Variants in CISD2 observed in about 807,000 individuals in gnomAD.
CISD2 encodes CDGSH iron sulfur domain 2, also known as CDGSH iron-sulfur domain-containing protein 2.
A neutral mutation model predicts 12.9 loss-of-function variants in CISD2; 1 was observed. The ratio of observed to expected loss-of-function variants is 0.08; its 90% CI spans 0.03 to 0.37. The LOEUF (loss-of-function observed/expected upper bound fraction) is 0.37, where lower values mean the gene tolerates loss of function less well. CISD2 is among the 10% of genes least tolerant of loss of function. The pLI is 0.99. For missense variants in CISD2, 97 were observed against 163.1 expected, an observed-to-expected ratio of 0.59 and a Z score of 2.21; for synonymous variants, 50 against 60.6, an observed-to-expected ratio of 0.83 and a Z score of 0.81.
At chr4:102,880,864 C>T (rs1177159398) in intron 1 of CISD2, among the ~76,000 whole-genome samples, 1 of 151,540 alleles carries the variant, frequency 6.6e-6, no homozygotes, top group Non-Finnish European at 1.5e-5. Context: ...TGGTGGCGTG[C>T]GCCTATAATC....
intron 1 of CISD2, among the ~76,000 whole-genome samples, chr4:102,877,762 C>G (rs570739063): frequency 1.3e-5 from 2 of 152,302 alleles, no homozygotes; most frequent in African/African-American, 4.8e-5. Flanking sequence ...GTGAAGTTCC[C>G]AAACCTCAAT....
intron 1 of CISD2, among the ~76,000 whole-genome samples, chr4:102,881,706 C>T (rs1330352203): frequency 6.6e-6 from 1 of 152,146 alleles, no homozygotes; most frequent in African/African-American, 2.4e-5. Context: ...TATGTTAAGA[C>T]TTTGGTAAGT....
intron 1 of CISD2, among the ~76,000 whole-genome samples, chr4:102,883,395 C>G (rs1467227861): frequency 6.6e-6 from 1 of 152,210 alleles, no homozygotes. Context: ...TCCATGGAAA[C>G]CACAGTAAAG....
At chr4:102,875,611 T>A (rs1413793131) in intron 1 of CISD2, among the ~76,000 whole-genome samples, 1 of 152,250 alleles carries the variant, frequency 6.6e-6, no homozygotes, top group Non-Finnish European at 1.5e-5. Context: ...GTAGGAATTA[T>A]CTCAAATGCC....
rs1446866276 is a variant in CISD2 at position 102,890,093 on chromosome 4, T to G, written c.*2663T>G. ...ATAAACATCAGGTATCCAAAAGTGT[T>G]AGCAGGCTTGAGGTATGAATGATTC... On this transcript the variant is annotated 3_prime_UTR_variant, in exon 3 of 3. Coordinates refer to ENST00000273986, the MANE Select transcript of CISD2 (RefSeq NM_001008388.5). The G allele has an allele frequency of 6.6e-6, 1 of 152,210 alleles. No homozygotes were observed. The highest frequency in any genetic ancestry group is 2.4e-5 in the African/African-American group (1 of 41,448). 9.4% of individuals were successfully genotyped at this position (152,210 alleles called of 1,614,324 possible). A position where few individuals can be genotyped will look rare whatever the true frequency, so the allele number is the denominator to read the frequency against.
At chr4:102,871,053 C>T (rs1347551727) in intron 1 of CISD2, among the ~76,000 whole-genome samples, 1 of 152,116 alleles carries the variant, frequency 6.6e-6, no homozygotes, top group African/African-American at 2.4e-5. Context: ...TACCTTCTTA[C>T]TAATTTGCAT....
intron 1 of CISD2, among the ~76,000 whole-genome samples, chr4:102,879,480 C>T (rs184153403): frequency 1.2e-3 from 184 of 152,108 alleles, no homozygotes; most frequent in African/African-American, 4.3e-3. Context: ...TCAAACTGAG[C>T]GCTTCACAAA....
rs557515732 is a variant in CISD2 at position 102,869,083 on chromosome 4, G to A, written c.-2G>A. ...GGAGAGGAGTGGACGCCGCTGGCCAGGATGGTGCTGGAGAGCGTGGCCCGT... is the reference window on the plus strand; with the variant it reads ...GGAGAGGAGTGGACGCCGCTGGCCAAGATGGTGCTGGAGAGCGTGGCCCGT... On this transcript the variant is annotated 5_prime_UTR_variant, in exon 1 of 3. Coordinates refer to ENST00000273986, the MANE Select transcript of CISD2 (RefSeq NM_001008388.5). 9.9e-6 allele frequency: 16 copies of A among 1,609,306 alleles called. No homozygotes were observed. The East Asian group carries it at 2.9e-4, about 29-fold the overall frequency.
At chr4:102,876,483 C>T (rs549068459) in intron 1 of CISD2, among the ~76,000 whole-genome samples, 1 of 152,188 alleles carries the variant, frequency 6.6e-6, no homozygotes, top group Non-Finnish European at 1.5e-5. Context: ...GGTGCTGTGG[C>T]TCATGCCTGT....
chr4:102,875,747 A>C (rs1032316742), intron 1 of CISD2, among the ~76,000 whole-genome samples: 2 of 152,196 alleles, frequency 1.3e-5, no homozygotes, highest in African/African-American at 4.8e-5. Context: ...ATATTTACCT[A>C]ACTATATAGT....
rs1365842168 is a variant in CISD2 at position 102,891,540 on chromosome 4, T to C, written c.*4110T>C. 2 of 152,220 alleles carry C rather than the reference T, an allele frequency of 1.3e-5. No homozygotes were observed. The highest frequency in any genetic ancestry group is 4.8e-5 in the African/African-American group (2 of 41,454). The allele number at this position is 152,220 out of a possible 1,614,324, so 9.4% of individuals were successfully genotyped here. A position where few individuals can be genotyped will look rare whatever the true frequency, so the allele number is the denominator to read the frequency against. On this transcript the variant is annotated 3_prime_UTR_variant, in exon 3 of 3. Transcript: ENST00000273986. ...GTATGTGTTATTCAAAAAGGCAGGA[T>C]ATGTGTTGCATTTGGTGGTAACAAT...
intron 1 of CISD2, chr4:102,882,901 C>T (rs1733758470): frequency 6.6e-6 from 1 of 152,204 alleles, no homozygotes; most frequent in Admixed American, 6.5e-5. Flanking sequence ...CGCCTGCCAC[C>T]ACGCCTGGAT....
In CISD2 at chr4:102,869,237, G is replaced by C. The variant is rs368237980; in HGVS notation, c.103+50G>C. ...CCCATCCTTGCACGTTCGCCAAGCG[G>C]GGGAAGGAGGCGTAAAAATCCTAGG... is the stretch of plus-strand genomic sequence containing the variant. On this transcript the variant is annotated intron_variant, in intron 1 of 2. Transcript: ENST00000273986. The C allele has an allele frequency of 2.6e-4, 412 of 1,560,358 alleles. 2 individuals are homozygous for C. Among genetic ancestry groups the C allele is most frequent in the Middle Eastern group, 2.2e-3 (13 of 6,000 alleles).
chr4:102,876,270 C>T (rs1269812356), intron 1 of CISD2, among the ~76,000 whole-genome samples: 1 of 152,118 alleles, frequency 6.6e-6, no homozygotes, highest in Non-Finnish European at 1.5e-5. Context: ...AACCTGGTTC[C>T]AAGTATATGA....
intron 1 of CISD2, among the ~76,000 whole-genome samples, chr4:102,876,175 C>T (rs1219087969): frequency 6.6e-6 from 1 of 152,124 alleles, no homozygotes; most frequent in African/African-American, 2.4e-5. Context: ...CCACATAGTG[C>T]AGTTTGTGGA....
At position 102,887,918 on chromosome 4, in the gene CISD2, T is replaced by C. The variant is rs1041912939; in HGVS notation, c.*488T>C. The C allele has an allele frequency of 1.3e-5, 2 of 156,460 alleles. No individual in the cohort carries two copies. The highest frequency in any genetic ancestry group is 2.8e-5 in the Non-Finnish European group (2 of 70,842). The allele number at this position is 156,460 out of a possible 1,614,324, so 9.7% of individuals were successfully genotyped here. A position where few individuals can be genotyped will look rare whatever the true frequency, so the allele number is the denominator to read the frequency against. On this transcript the variant is annotated 3_prime_UTR_variant, in exon 3 of 3. Transcript: ENST00000273986. The stretch of plus-strand genomic sequence containing the variant: ...TGTGTTTTCACAGAGATAGACTCTT[T>C]GCTTTATAGAGATTGTTGTGTATTT...
intron 1 of CISD2, chr4:102,869,473 G>A (rs1475405722): frequency 5.7e-6 from 4 of 702,608 alleles, no homozygotes; most frequent in Non-Finnish European, 1.0e-5. Flanking sequence ...GTTGGGAACA[G>A]GCCAGTCTCT....
At chr4:102,869,441 G>A (rs1733364830) in intron 1 of CISD2, 2 of 704,848 alleles carry the variant, frequency 2.8e-6, no homozygotes, top group South Asian at 3.0e-5. Flanking sequence ...AAGATACCAG[G>A]TTTTTGCAGA....
intron 1 of CISD2, among the ~76,000 whole-genome samples, chr4:102,871,799 C>G (rs1047432226): frequency 6.6e-6 from 1 of 152,126 alleles, no homozygotes; most frequent in East Asian, 1.9e-4. Flanking sequence ...CCATTTTCTT[C>G]TATGAAAATT....
Sources: gnomAD v4.1 joint callset for allele counts (sites outside exome capture counted in the v4.1 genomes callset) on GRCh38, gnomAD v4.1.1 for gene constraint, MANE v1.5 for transcripts, NCBI Gene and HGNC (gene_info 2026-07-23, HGNC 2026-07-21) for gene names.